Variants in CCDC7 observed in about 807,000 individuals in gnomAD.
CCDC7 encodes the protein coiled-coil domain containing 7.
CCDC7 carries 183 observed loss-of-function variants against 196.9 expected under a neutral mutation model. The observed-to-expected ratio is 0.93, with a 90% CI of 0.82 to 1.05. The LOEUF is 1.05. CCDC7 is among the 50% of genes least tolerant of loss of function. The probability of loss-of-function intolerance (pLI) is 0.00; values close to 1 mark genes in which losing one functional copy is unlikely to be tolerated. For missense variants in CCDC7, 1,540 were observed against 1,482.2 expected (o/e 1.04, Z -0.64); for synonymous variants, 525 against 484.6 (o/e 1.08, Z -1.10).
intron 9 of CCDC7, among the ~76,000 whole-genome samples, chr10:32,500,015 A>G (rs1189499322): frequency 6.6e-6 from 1 of 152,200 alleles, no homozygotes; most frequent in African/African-American, 2.4e-5. Context: ...CTACACAGAC[A>G]CAGTAACAAT....
At chr10:32,637,369 T>G (rs1211957093) in intron 20 of CCDC7, among the ~76,000 whole-genome samples, 1 of 152,164 alleles carries the variant, frequency 6.6e-6, no homozygotes. Context: ...TTAGGTCTAA[T>G]GTTTAAGTAT....
chr10:32,557,616 C>G (rs553001933), intron 13 of CCDC7, among the ~76,000 whole-genome samples: 17 of 152,210 alleles, frequency 1.1e-4, no homozygotes, highest in African/African-American at 4.1e-4. Flanking sequence ...GTCATCAGAT[C>G]CCATCTGTTC....
intron 40 of CCDC7, among the ~76,000 whole-genome samples, chr10:32,852,686 A>G (rs1464289949): frequency 2.0e-5 from 3 of 152,112 alleles, no homozygotes; most frequent in Non-Finnish European, 4.4e-5. Context: ...CTTTCTATCC[A>G]TAAAGGTTCT....
At chr10:32,559,936 C>A (rs376924294) in intron 13 of CCDC7, among the ~76,000 whole-genome samples, 3 of 152,136 alleles carry the variant, frequency 2.0e-5, no homozygotes, top group African/African-American at 7.2e-5. Context: ...AAAATTTAGA[C>A]GAATGTATAA....
chr10:32,528,833 G>A (rs2049169873), intron 11 of CCDC7, among the ~76,000 whole-genome samples: 4 of 148,106 alleles, frequency 2.7e-5, no homozygotes, highest in African/African-American at 1.0e-4. Context: ...TCCACTCATC[G>A]ATTGATGGGC....
At chr10:32,777,201 A>T (rs1054433044) in intron 28 of CCDC7, among the ~76,000 whole-genome samples, 3 of 152,136 alleles carry the variant, frequency 2.0e-5, no homozygotes, top group Non-Finnish European at 2.9e-5. Flanking sequence ...TTGCTGCAAA[A>T]GACATGATTT....
intron 29 of CCDC7, among the ~76,000 whole-genome samples, chr10:32,803,612 CTA>C (rs1283545852): frequency 6.6e-6 from 1 of 152,078 alleles, no homozygotes; most frequent in Non-Finnish European, 1.5e-5. Flanking sequence ...CACTGTCAGT[CTA>C]TGTGTGTCTT....
At chr10:32,821,808 T>C (rs2090267694) in intron 31 of CCDC7, among the ~76,000 whole-genome samples, 1 of 151,848 alleles carries the variant, frequency 6.6e-6, no homozygotes, top group Admixed American at 6.6e-5. Context: ...CTGGGGCCTG[T>C]TGTGGGGTGG....
intron 28 of CCDC7, among the ~76,000 whole-genome samples, chr10:32,772,491 A>G (rs1163770194): frequency 3.9e-5 from 6 of 152,208 alleles, no homozygotes. Context: ...CACAGCTACA[A>G]CACTCAGGAC....
chr10:32,600,883 T>C (rs1375332545), intron 18 of CCDC7, among the ~76,000 whole-genome samples: 1 of 152,206 alleles, frequency 6.6e-6, no homozygotes, highest in Non-Finnish European at 1.5e-5. Flanking sequence ...ACCTGAAGGA[T>C]CTCTTTTGTA....
chr10:32,674,378 T>C (rs2074571152), intron 21 of CCDC7, among the ~76,000 whole-genome samples: 2 of 152,072 alleles, frequency 1.3e-5, no homozygotes, highest in South Asian at 4.1e-4. Context: ...TTAATTTTCA[T>C]GTATTTGTGA....
At chr10:32,623,247 G>A (rs956666303) in intron 18 of CCDC7, among the ~76,000 whole-genome samples, 2 of 151,956 alleles carry the variant, frequency 1.3e-5, no homozygotes, top group Non-Finnish European at 2.9e-5. Context: ...AAAGGGCCTT[G>A]TCCTTCCAAA....
intron 23 of CCDC7, among the ~76,000 whole-genome samples, chr10:32,694,445 G>T (rs889780261): frequency 3.9e-5 from 6 of 152,186 alleles, no homozygotes; most frequent in African/African-American, 1.4e-4. Context: ...CAGTTTCCAA[G>T]ATTCTATCAA....
chr10:32,641,579 C>A (rs2066807428), intron 20 of CCDC7, among the ~76,000 whole-genome samples: 1 of 152,104 alleles, frequency 6.6e-6, no homozygotes, highest in Non-Finnish European at 1.5e-5. Context: ...GTTTTTAACT[C>A]CTTTGCAATG....
intron 1 of CCDC7, among the ~76,000 whole-genome samples, chr10:32,452,875 T>C (rs1367755067): frequency 1.3e-5 from 2 of 152,036 alleles, no homozygotes; most frequent in East Asian, 3.9e-4. Flanking sequence ...AGCACAAATA[T>C]AAAAAAATAT....
chr10:32,637,716 C>CT (rs976279614), intron 20 of CCDC7, among the ~76,000 whole-genome samples: 10 of 152,080 alleles, frequency 6.6e-5, no homozygotes, highest in Admixed American at 6.6e-5. Flanking sequence ...GATGTGGGCT[C>CT]TTTTTTGGTT....
intron 24 of CCDC7, among the ~76,000 whole-genome samples, chr10:32,708,492 G>A (rs969613456): frequency 2.0e-5 from 3 of 152,204 alleles, no homozygotes; most frequent in Non-Finnish European, 4.4e-5. Flanking sequence ...AAACTGAAGA[G>A]CTTCTGCACA....
intron 18 of CCDC7, among the ~76,000 whole-genome samples, chr10:32,628,384 T>C (rs909904595): frequency 2.0e-5 from 3 of 152,106 alleles, no homozygotes; most frequent in Non-Finnish European, 4.4e-5. Context: ...CCTTTTCTGA[T>C]TTTATTTGAG....
In CCDC7 at chr10:32,697,310, C is replaced by T. The variant is rs528569532; in HGVS notation, c.2458+2318C>T. 2.0e-5 allele frequency among the ~76,000 whole-genome samples: 3 copies of T among 152,298 alleles called. No homozygotes were observed. In the South Asian group the frequency reaches 6.2e-4, roughly 32 times the overall value. Reference sequence around the variant, plus strand: ...GCATTTCCAACTGAGGTACCGAGTTCATCTCACTGGGACTGGTTGGACAGT... The same window carrying T: ...GCATTTCCAACTGAGGTACCGAGTTTATCTCACTGGGACTGGTTGGACAGT... On this transcript the variant is annotated intron_variant, in intron 24 of 41. Coordinates refer to ENST00000639629, the Ensembl canonical transcript of CCDC7.
Sources: gnomAD v4.1 joint callset for allele counts (sites outside exome capture counted in the v4.1 genomes callset) on GRCh38, gnomAD v4.1.1 for gene constraint, MANE v1.5 for transcripts, NCBI Gene and HGNC (gene_info 2026-07-23, HGNC 2026-07-21) for gene names.